ABCA4: variants seen among roughly 807,000 people sequenced by gnomAD.
The protein encoded by ABCA4 is ATP binding cassette subfamily A member 4.
In ABCA4, 196 loss-of-function variants were observed where a neutral mutation model predicts 263.7. The ratio of observed to expected loss-of-function variants is 0.74; its 90% confidence interval spans 0.66 to 0.84. The LOEUF (loss-of-function observed/expected upper bound fraction) is 0.84. ABCA4 is among the 40% of genes least tolerant of loss of function. The probability of loss-of-function intolerance (pLI) is 0.00; values close to 1 mark genes in which losing one functional copy is unlikely to be tolerated. For missense variants in ABCA4, 2,792 were observed against 2,855.1 expected (o/e 0.98, Z 0.50); for synonymous variants, 1,133 against 1,094.2 (o/e 1.04, Z -0.70).
chr1:94,117,698 C>G (rs74104529), intron 1 of ABCA4, among the ~76,000 whole-genome samples: 249 of 152,226 alleles, frequency 1.6e-3, no homozygotes, highest in African/African-American at 4.4e-3. Flanking sequence ...TCTCCAGCCC[C>G]GGTGCCTCCT....
At chr1:94,088,137 C>T (rs1175000097) in intron 6 of ABCA4, among the ~76,000 whole-genome samples, 1 of 152,178 alleles carries the variant, frequency 6.6e-6, no homozygotes, top group African/African-American at 2.4e-5. Context: ...TATCAAGAAC[C>T]CCCCAGTTTT....
chr1:94,062,874 G>A (rs757132911), intron 12 of ABCA4, 121 bp from the exon 13 acceptor site: 2 of 1,178,580 alleles, frequency 1.7e-6, no homozygotes, highest in Non-Finnish European at 2.4e-6. Context: ...GCTTCAAAAG[G>A]ATCCAATTCT....
intron 26 of ABCA4, among the ~76,000 whole-genome samples, chr1:94,035,375 C>T (rs1660310140): frequency 6.6e-6 from 1 of 152,198 alleles, no homozygotes; most frequent in South Asian, 2.1e-4. Flanking sequence ...CTGCTGTCCC[C>T]TGGAGAGGAC....
At chr1:94,092,547 G>C (rs1193782942) in intron 6 of ABCA4, among the ~76,000 whole-genome samples, 3 of 152,182 alleles carry the variant, frequency 2.0e-5, no homozygotes, top group Non-Finnish European at 4.4e-5. Context: ...TCAATCACTG[G>C]GGGGTTGGGG....
chr1:93,999,576 T>G (rs3789375), intron 47 of ABCA4, among the ~76,000 whole-genome samples: 42,263 of 152,076 alleles, frequency 0.28, 10,554 homozygotes, highest in African/African-American at 0.67. Context: ...CTTGGATGAG[T>G]GATGGTCCAC....
chr1:94,121,115 G>C lies in ABCA4; in HGVS notation c.-70C>G, dbSNP rs1177500400. 1 of 1,437,796 alleles carries C rather than the reference G, an allele frequency of 7.0e-7. No individual in the cohort carries two copies. The highest frequency in any genetic ancestry group is 2.3e-5 in the East Asian group (1 of 44,046). The allele number at this position is 1,437,796 out of a possible 1,614,324, so 89.1% of individuals were successfully genotyped here. On this transcript the variant is annotated 5_prime_UTR_variant, in exon 1 of 50. Transcript: ENST00000370225. ...TCAGACAGCAAAGGACATAAACGCC[G>C]TTAAGAGCGCCTCTGGCTCCGGACG...
rs76189878 is a variant in ABCA4, at chr1:94,080,090, T to C, written c.1099+388A>G. On this transcript the variant is annotated intron_variant, in intron 8 of 49. Transcript: ENST00000370225. ...ACTACACACATAGATTTTCACGATA[T>C]TGTGTTTGTAAAAGCATCCCACAGC... Among the ~76,000 whole-genome samples, 1,496 of 152,244 alleles carry C rather than the reference T, an allele frequency of 9.8e-3. 28 individuals carry two copies. Among genetic ancestry groups the C allele is most frequent in the African/African-American group, 0.033 (1,386 of 41,524 alleles).
chr1:94,028,930 A>AAAAAACAAAAAAC (rs35998587), intron 30 of ABCA4, among the ~76,000 whole-genome samples: 3 of 108,030 alleles, frequency 2.8e-5, no homozygotes, highest in South Asian at 2.9e-4. Flanking sequence ...AAAAAAAAAA[A>AAAAAACAAAAAAC]GAAATTCAAA....
chr1:94,081,275 G>A (rs1232393703), intron 7 of ABCA4, among the ~76,000 whole-genome samples: 1 of 152,116 alleles, frequency 6.6e-6, no homozygotes, highest in East Asian at 1.9e-4. Flanking sequence ...CTAGAGCACT[G>A]TAGTATAGCC....
intron 16 of ABCA4, among the ~76,000 whole-genome samples, chr1:94,053,718 G>A (rs367612317): frequency 1.3e-5 from 2 of 152,244 alleles, no homozygotes; most frequent in African/African-American, 4.8e-5. Flanking sequence ...CTTGATTTTG[G>A]ACTTCCAGCC....
Position 94,098,809 on chromosome 1 carries a change from G to A in ABCA4, c.753C>T (p.Phe251=). ...EDTLYANVDF[F]KLFRVLPTLL... The stretch of plus-strand genomic sequence containing the variant: ...CCTCCCTTACCACACGGAAGAGCTT[G>A]AAGAAGTCCACGTTGGCATACAGAG... Residue 251 remains phenylalanine, a synonymous_variant, in exon 6 of 50, where the codon TTC becomes TTT. Coordinates refer to ENST00000370225, the MANE Select transcript of ABCA4 (RefSeq NM_000350.3). 6.2e-7 allele frequency: 1 copy of A among 1,614,198 alleles called. No individual in the cohort carries two copies. Among genetic ancestry groups the A allele is most frequent in the Non-Finnish European group, 8.5e-7 (1 of 1,180,028 alleles).
In ABCA4 at chr1:94,001,087, T is replaced by C; in HGVS notation, c.6301A>G (p.Met2101Val). 1 of 1,613,944 alleles carries C rather than the reference T, an allele frequency of 6.2e-7. No individual in the cohort carries two copies. Among genetic ancestry groups the C allele is most frequent in the Non-Finnish European group, 8.5e-7 (1 of 1,179,998 alleles). Residue 2101 changes from methionine to valine, a missense_variant, in exon 46 of 50, where the codon ATG (methionine) becomes GTG (valine). Coordinates refer to ENST00000370225, the MANE Select transcript of ABCA4 (RefSeq NM_000350.3). ...AGCATGCGGCGTGCCTGGGGGTCCA[T>C]CCCTGTGGTGGGCTCATCCTGGGGG... ...LVLLDEPTTG[M>V]DPQARRMLWN... is the part of the protein sequence containing the mutation.
intron 1 of ABCA4, among the ~76,000 whole-genome samples, chr1:94,117,238 C>T (rs1662816345): frequency 6.6e-6 from 1 of 151,986 alleles, no homozygotes; most frequent in African/African-American, 2.4e-5. Flanking sequence ...AGAAGGCAGC[C>T]AAGGCCTAAA....
chr1:93,993,588 C>G (rs951998114), intron 49 of ABCA4, among the ~76,000 whole-genome samples: 7 of 151,908 alleles, frequency 4.6e-5, no homozygotes, highest in Non-Finnish European at 1.0e-4. Flanking sequence ...AAGAAAGTTA[C>G]CATTATCTTA....
In ABCA4 at chr1:94,056,604, A is replaced by G. The variant is rs1329081501; in HGVS notation, c.2379T>C (p.Ala793=). The G allele has an allele frequency of 6.8e-6, 11 of 1,612,656 alleles. No homozygotes were observed. The South Asian group carries it at 1.1e-4, about 16-fold the overall frequency. ...QDRMTAELKK[A]VSLLSPVAFG... ...GGGGCCAGCCCAAGGGCCTCACCACAGCCTTCTTCAGCTCAGCGGTCATGC... is the reference window on the plus strand; with the variant it reads ...GGGGCCAGCCCAAGGGCCTCACCACGGCCTTCTTCAGCTCAGCGGTCATGC... The change falls in exon 15 of 50, where the codon GCT becomes GCC. Residue 793 remains alanine, a synonymous_variant. Transcript: ENST00000370225.
chr1:94,067,943 T>G (rs1184586102), intron 11 of ABCA4, among the ~76,000 whole-genome samples: 2 of 152,264 alleles, frequency 1.3e-5, no homozygotes, highest in Non-Finnish European at 2.9e-5. Flanking sequence ...TAGGATCTGA[T>G]AAATACCATT....
chr1:94,072,237 G>A (rs892203996), intron 11 of ABCA4, among the ~76,000 whole-genome samples: 2 of 152,204 alleles, frequency 1.3e-5, no homozygotes, highest in African/African-American at 4.8e-5. Flanking sequence ...TGACTGTGTT[G>A]ACAGCAGAGG....
chr1:94,044,636 T>C lies in ABCA4; in HGVS notation c.3027A>G (p.Pro1009=). 1 of 1,614,206 alleles carries C rather than the reference T, an allele frequency of 6.2e-7. No homozygotes were observed. Among genetic ancestry groups the C allele is most frequent in the Non-Finnish European group, 8.5e-7 (1 of 1,180,032 alleles). ...DAVRQSLGMC[P]QHNILFHHLT... ...ACTGGTGGAACAGGATGTTGTGCTG[T>C]GGACACATGCCAAGGCTCTGCCGGA... Residue 1009 remains proline (P), a synonymous_variant, in exon 20 of 50, where the codon CCA becomes CCG. Transcript: ENST00000370225.
intron 36 of ABCA4, chr1:94,018,622 A>G (rs1258036775): frequency 4.4e-6 from 2 of 455,760 alleles, no homozygotes; most frequent in Non-Finnish European, 8.8e-6. Context: ...GTTGGTCTCC[A>G]TCAGTTGGTA....
Sources: allele counts gnomAD v4.1 joint callset (sites outside exome capture counted in the v4.1 genomes callset), GRCh38; gene constraint gnomAD v4.1.1; transcripts MANE v1.5; gene names NCBI Gene and HGNC (gene_info 2026-07-23, HGNC 2026-07-21).